SORCS1: variants seen among roughly 807,000 people sequenced by gnomAD.
SORCS1 encodes the protein VPS10 domain-containing receptor SorCS1.
In SORCS1, 60 loss-of-function variants were observed where a neutral mutation model predicts 146.1. The ratio of observed to expected loss-of-function variants is 0.41; its 90% CI spans 0.33 to 0.51. The LOEUF (loss-of-function observed/expected upper bound fraction) is 0.51. Among genes scored for constraint, SORCS1 ranks in the 20% least tolerant of loss-of-function variants. The probability of loss-of-function intolerance (pLI) is 0.21; values close to 1 mark genes in which losing one functional copy is unlikely to be tolerated. For missense variants in SORCS1, 1,352 were observed against 1,487.6 expected (o/e 0.91, Z 1.50); for synonymous variants, 637 against 584.0 (o/e 1.09, Z -1.31).
intron 1 of SORCS1, among the ~76,000 whole-genome samples, chr10:107,026,518 T>C (rs1432050523): frequency 7.3e-5 from 11 of 151,566 alleles, no homozygotes; most frequent in Non-Finnish European, 1.2e-4. Context: ...CTCAGCAGGC[T>C]GAGGCAGGAG....
chr10:106,889,713 C>T (rs1188299855), intron 2 of SORCS1, among the ~76,000 whole-genome samples: 1 of 152,018 alleles, frequency 6.6e-6, no homozygotes, highest in Non-Finnish European at 1.5e-5. Context: ...TCCTTGCTAA[C>T]ACGGTAAAAC....
At chr10:106,820,710 C>T (rs1252882715) in intron 3 of SORCS1, among the ~76,000 whole-genome samples, 3 of 152,212 alleles carry the variant, frequency 2.0e-5, no homozygotes, top group Admixed American at 6.5e-5. Context: ...GGACAGCATT[C>T]ATCTCCATCC....
intron 1 of SORCS1, among the ~76,000 whole-genome samples, chr10:107,157,299 G>T (rs1022881272): frequency 6.6e-6 from 1 of 152,188 alleles, no homozygotes; most frequent in Non-Finnish European, 1.5e-5. Context: ...TCTAACTCTT[G>T]CCTGTGGCAA....
intron 3 of SORCS1, among the ~76,000 whole-genome samples, chr10:106,809,421 A>G (rs1947350773): frequency 6.6e-6 from 1 of 151,962 alleles, no homozygotes; most frequent in African/African-American, 2.4e-5. Flanking sequence ...CTGGGCTCCC[A>G]GGAAGGCTCT....
intron 2 of SORCS1, among the ~76,000 whole-genome samples, chr10:106,872,816 G>A (rs1404937405): frequency 6.6e-6 from 1 of 152,044 alleles, no homozygotes; most frequent in Non-Finnish European, 1.5e-5. Context: ...CTCAAGGGAA[G>A]AAACAAACAT....
intron 1 of SORCS1, among the ~76,000 whole-genome samples, chr10:107,029,909 C>G (rs1564946684): frequency 6.6e-6 from 1 of 152,204 alleles, no homozygotes; most frequent in East Asian, 1.9e-4. Context: ...TGTGACATCT[C>G]TAAGTCAGGA....
At chr10:106,895,652 T>C (rs1010628081) in intron 2 of SORCS1, among the ~76,000 whole-genome samples, 12 of 152,174 alleles carry the variant, frequency 7.9e-5, no homozygotes, top group Non-Finnish European at 2.9e-5. Flanking sequence ...GGAGAGGATG[T>C]GGAGAAACTG....
At chr10:107,004,420 T>A (rs995380720) in intron 1 of SORCS1, among the ~76,000 whole-genome samples, 1 of 152,036 alleles carries the variant, frequency 6.6e-6, no homozygotes, top group Admixed American at 6.6e-5. Context: ...CTAGCAATCA[T>A]GGTGGAGAGA....
At chr10:107,010,103 AAC>A (rs749073164) in intron 1 of SORCS1, among the ~76,000 whole-genome samples, 8 of 152,252 alleles carry the variant, frequency 5.3e-5, no homozygotes, top group African/African-American at 1.7e-4. Flanking sequence ...TAAAATTAGT[AAC>A]AGTCATCCAC....
chr10:106,834,908 A>G (rs1283970232), intron 2 of SORCS1, among the ~76,000 whole-genome samples: 1 of 152,244 alleles, frequency 6.6e-6, no homozygotes, highest in Non-Finnish European at 1.5e-5. Flanking sequence ...GCTTAACAAA[A>G]TAAGCATTCC....
intron 14 of SORCS1, 60 bp from the exon 15 acceptor site, chr10:106,673,045 A>C: frequency 7.3e-7 from 1 of 1,371,762 alleles, no homozygotes; most frequent in Non-Finnish European, 1.0e-6. Context: ...AGTAATAACA[A>C]CAGAGAGCAT....
At chr10:106,913,966 A>C (rs77995841) in intron 2 of SORCS1, among the ~76,000 whole-genome samples, 5,073 of 152,260 alleles carry the variant, frequency 0.033, 262 homozygotes, top group African/African-American at 0.11. Context: ...GTCCTCCCCA[A>C]ACCAAACCAA....
chr10:107,066,803 G>T (rs975530668), intron 1 of SORCS1, among the ~76,000 whole-genome samples: 1 of 152,292 alleles, frequency 6.6e-6, no homozygotes, highest in Middle Eastern at 3.4e-3. Flanking sequence ...ATAAATGGAA[G>T]GAAAGGAGAA....
intron 3 of SORCS1, among the ~76,000 whole-genome samples, chr10:106,815,544 G>A (rs2136854390): frequency 6.6e-6 from 1 of 152,284 alleles, no homozygotes; most frequent in East Asian, 1.9e-4. Flanking sequence ...TATCAAATGA[G>A]CTTGATCAGT....
At chr10:107,026,329 T>C (rs893925713) in intron 1 of SORCS1, among the ~76,000 whole-genome samples, 5 of 152,174 alleles carry the variant, frequency 3.3e-5, no homozygotes, top group African/African-American at 1.2e-4. Flanking sequence ...AAGAAAGTTT[T>C]TGGGTTTTGG....
chr10:106,875,084 A>G (rs1236637092), intron 2 of SORCS1, among the ~76,000 whole-genome samples: 2 of 152,112 alleles, frequency 1.3e-5, no homozygotes, highest in Non-Finnish European at 2.9e-5. Context: ...ATCGTACCCA[A>G]TACGTAGTTT....
At chr10:106,859,659 C>T (rs1448700059) in intron 2 of SORCS1, among the ~76,000 whole-genome samples, 1 of 152,190 alleles carries the variant, frequency 6.6e-6, no homozygotes, top group East Asian at 1.9e-4. Context: ...TCCCAAAGTG[C>T]TGGGATTACA....
intron 2 of SORCS1, among the ~76,000 whole-genome samples, chr10:106,858,075 A>T (rs1949861994): frequency 6.6e-6 from 1 of 152,214 alleles, no homozygotes; most frequent in Non-Finnish European, 1.5e-5. Context: ...AGAATTAGCT[A>T]AGGGGATTAA....
intron 2 of SORCS1, among the ~76,000 whole-genome samples, chr10:106,953,569 C>A (rs1002443458): frequency 1.3e-5 from 2 of 151,802 alleles, no homozygotes; most frequent in African/African-American, 4.8e-5. Flanking sequence ...TGGATGAATT[C>A]GGAGAAACAT....
Sources: allele counts gnomAD v4.1 joint callset (sites outside exome capture counted in the v4.1 genomes callset), GRCh38; gene constraint gnomAD v4.1.1; transcripts MANE v1.5; gene names NCBI Gene and HGNC (gene_info 2026-07-23, HGNC 2026-07-21).